The following GRIP1 variants were observed in gnomAD, a reference collection of about 807,000 sequenced individuals.
The protein encoded by GRIP1 is glutamate receptor interacting protein 1.
Under a neutral mutation model 129.9 loss-of-function variants are expected in GRIP1, and 45 were observed. The observed-to-expected ratio is 0.35, with a 90% CI of 0.27 to 0.44. GRIP1 has a LOEUF of 0.44. GRIP1 is among the 20% of genes least tolerant of loss of function. The probability of loss-of-function intolerance (pLI) is 1.00; values close to 1 mark genes in which losing one functional copy is unlikely to be tolerated. For missense variants in GRIP1, 1,196 were observed against 1,396.8 expected (o/e 0.86, Z 2.29); for synonymous variants, 530 against 520.8 (o/e 1.02, Z -0.24).
intron 15 of GRIP1, among the ~76,000 whole-genome samples, chr12:66,409,489 G>C (rs896528086): frequency 3.3e-5 from 5 of 152,310 alleles, no homozygotes; most frequent in Non-Finnish European, 7.3e-5. Context: ...CCCTAATGGA[G>C]ATACAGGTGA....
At chr12:66,816,631 A>G (rs1473345051) in intron 1 of GRIP1, among the ~76,000 whole-genome samples, 2 of 152,202 alleles carry the variant, frequency 1.3e-5, no homozygotes, top group African/African-American at 4.8e-5. Context: ...ACATTTTAAG[A>G]AAACACAAAA....
chr12:67,021,081 G>A (rs74371095), intron 1 of GRIP1, among the ~76,000 whole-genome samples: 43,408 of 151,972 alleles, frequency 0.29, 7,057 homozygotes, highest in Non-Finnish European at 0.36. Flanking sequence ...CTGGATGACA[G>A]AGCAAGACCG....
chr12:66,609,599 T>C (rs2064700496), intron 1 of GRIP1, among the ~76,000 whole-genome samples: 1 of 152,214 alleles, frequency 6.6e-6, no homozygotes, highest in Admixed American at 6.6e-5. Context: ...AATTACTTGC[T>C]TGTCTAACTC....
intron 1 of GRIP1, among the ~76,000 whole-genome samples, chr12:66,903,361 C>T (rs1263553988): frequency 3.3e-5 from 5 of 149,256 alleles, no homozygotes; most frequent in African/African-American, 1.2e-4. Context: ...CTTTTTTCCT[C>T]CCATTAAATG....
chr12:66,408,361 C>T (rs903673988), intron 15 of GRIP1, among the ~76,000 whole-genome samples: 3 of 152,126 alleles, frequency 2.0e-5, no homozygotes, highest in African/African-American at 7.2e-5. Context: ...CGCCTGTAAT[C>T]CCAGCTATTC....
At chr12:66,518,305 T>C (rs2060904043) in intron 5 of GRIP1, among the ~76,000 whole-genome samples, 1 of 152,090 alleles carries the variant, frequency 6.6e-6, no homozygotes. Context: ...AGTACAGATG[T>C]GTATATCTGT....
intron 1 of GRIP1, among the ~76,000 whole-genome samples, chr12:66,855,126 A>G (rs1315873208): frequency 6.6e-6 from 1 of 151,946 alleles, no homozygotes; most frequent in Non-Finnish European, 1.5e-5. Context: ...GTCTCAAACT[A>G]CATTACCAGG....
At chr12:66,429,227 T>C (rs1233981756) in intron 14 of GRIP1, among the ~76,000 whole-genome samples, 1 of 152,168 alleles carries the variant, frequency 6.6e-6, no homozygotes, top group Non-Finnish European at 1.5e-5. Flanking sequence ...TGTTTCTTAA[T>C]ACTTAGAGCT....
chr12:66,531,255 ATATATATATATATATATATATATAT>A lies in GRIP1; in HGVS notation c.419-1366_419-1342del, dbSNP rs2061450733. On this transcript the variant is annotated intron_variant, in intron 4 of 24. Transcript: ENST00000359742. ...TGTCTCAAAAAAAAAAAAAAAAAAT[ATATATATATATATATATATATATAT>A]ATATATATATATATATATATATACA... 2.5e-3 allele frequency among the ~76,000 whole-genome samples: 12 copies of A among 4,816 alleles called. 1 individual carries two copies. The highest frequency in any genetic ancestry group is 0.015 in the African/African-American group (8 of 548). The allele number at this position is 4,816 out of a possible 152,430, so 3.2% of individuals were successfully genotyped here.
intron 15 of GRIP1, 48 bp from the exon 16 acceptor site, chr12:66,406,476 T>A: frequency 6.3e-7 from 1 of 1,576,010 alleles, no homozygotes; most frequent in Non-Finnish European, 8.7e-7. Flanking sequence ...AGCACTTAAC[T>A]AGGCCATTTA....
intron 23 of GRIP1, among the ~76,000 whole-genome samples, chr12:66,360,698 C>T (rs924515766): frequency 6.6e-6 from 1 of 152,130 alleles, no homozygotes; most frequent in Non-Finnish European, 1.5e-5. Flanking sequence ...GCAAGTCTAC[C>T]GACATGTTTG....
chr12:66,405,682 T>C (rs780732234), intron 16 of GRIP1, among the ~76,000 whole-genome samples: 3 of 152,218 alleles, frequency 2.0e-5, no homozygotes, highest in Non-Finnish European at 4.4e-5. Flanking sequence ...ATCATAGACA[T>C]TTCCTTTGTA....
intron 1 of GRIP1, among the ~76,000 whole-genome samples, chr12:66,800,445 T>C (rs1000407882): frequency 2.6e-5 from 4 of 152,186 alleles, no homozygotes; most frequent in African/African-American, 9.7e-5. Context: ...CAAATTCTTC[T>C]TTCTCAAGTA....
intron 1 of GRIP1, among the ~76,000 whole-genome samples, chr12:67,058,225 T>A (rs946937983): frequency 1.3e-5 from 2 of 152,236 alleles, no homozygotes; most frequent in African/African-American, 4.8e-5. Flanking sequence ...GCTTTTTTAA[T>A]GTACCAATAG....
intron 15 of GRIP1, among the ~76,000 whole-genome samples, chr12:66,406,723 C>A (rs1191119265): frequency 3.9e-5 from 6 of 152,088 alleles, no homozygotes; most frequent in African/African-American, 1.2e-4. Flanking sequence ...AGGTAATGGG[C>A]GAGGGTCTGC....
At chr12:66,466,338 A>G (rs2059285316) in intron 7 of GRIP1, among the ~76,000 whole-genome samples, 1 of 152,180 alleles carries the variant, frequency 6.6e-6, no homozygotes, top group Admixed American at 6.5e-5. Flanking sequence ...TGTCAATCAC[A>G]GCATTCTCAG....
intron 1 of GRIP1, among the ~76,000 whole-genome samples, chr12:67,005,831 T>G (rs1350818761): frequency 6.6e-6 from 1 of 152,166 alleles, no homozygotes; most frequent in East Asian, 1.9e-4. Context: ...AAATCAGCAT[T>G]AAAACAGAAC....
At chr12:66,956,315 T>G (rs2041840616) in intron 1 of GRIP1, among the ~76,000 whole-genome samples, 1 of 152,196 alleles carries the variant, frequency 6.6e-6, no homozygotes, top group African/African-American at 2.4e-5. Flanking sequence ...TGTTGCTATT[T>G]TCATTAATAG....
At chr12:66,904,563 T>C (rs113236454) in intron 1 of GRIP1, among the ~76,000 whole-genome samples, 19 of 140,188 alleles carry the variant, frequency 1.4e-4, no homozygotes, top group African/African-American at 4.8e-4. Context: ...TATTTGCTTA[T>C]GAAACCCCAT....
Sources: gnomAD v4.1 joint callset for allele counts (sites outside exome capture counted in the v4.1 genomes callset) on GRCh38, gnomAD v4.1.1 for gene constraint, MANE v1.5 for transcripts, NCBI Gene and HGNC (gene_info 2026-07-23, HGNC 2026-07-21) for gene names.